Variants in FNDC3B observed in about 807,000 individuals in gnomAD.
The protein encoded by FNDC3B is fibronectin type III domain containing 3B.
A neutral mutation model predicts 151.5 loss-of-function variants in FNDC3B; 12 were observed. That is an observed-to-expected ratio of 0.08 (90% CI 0.05 to 0.13). The LOEUF (loss-of-function observed/expected upper bound fraction) is 0.13, where lower values mean the gene tolerates loss of function less well. Among genes scored for constraint, FNDC3B ranks in the 10% least tolerant of loss-of-function variants. FNDC3B has a pLI of 1.00. For synonymous variants in FNDC3B, 528 were observed against 549.0 expected (o/e 0.96, Z 0.54); for missense variants, 1,214 against 1,505.3 (o/e 0.81, Z 3.20).
chr3:172,221,295 A>G (rs1487295928), intron 3 of FNDC3B, among the ~76,000 whole-genome samples: 1 of 152,192 alleles, frequency 6.6e-6, no homozygotes, highest in African/African-American at 2.4e-5. Flanking sequence ...TGTTCTGGCT[A>G]GAACTTCCAG....
rs1194627070 is a variant in FNDC3B, at chr3:172,388,823, T to C, written c.3303+7730T>C. 2.6e-5 allele frequency among the ~76,000 whole-genome samples: 4 copies of C among 152,308 alleles called. No individual in the cohort carries two copies. In the East Asian group the frequency reaches 7.7e-4, roughly 29 times the overall value. ...ATTTGTCCTGGAGTGTTACACATGA[T>C]TTCTGCAAGGCGGGGCAGGGAAAGT... On this transcript the variant is annotated intron_variant, in intron 25 of 25. Transcript: ENST00000415807.
chr3:172,209,322 G>A (rs980991102), intron 3 of FNDC3B, among the ~76,000 whole-genome samples: 1 of 152,188 alleles, frequency 6.6e-6, no homozygotes, highest in Admixed American at 6.5e-5. Flanking sequence ...AGCTGGCCAG[G>A]AAAGTGTTAC....
rs983415364 is a variant in FNDC3B, at chr3:172,189,105, A to G, written c.188-37766A>G. Among the ~76,000 whole-genome samples, 10 of 152,236 alleles carry G rather than the reference A, an allele frequency of 6.6e-5. No individual in the cohort carries two copies. The East Asian group carries it at 1.9e-3, about 29-fold the overall frequency. On this transcript the variant is annotated intron_variant, in intron 3 of 25. Coordinates refer to ENST00000415807, the MANE Select transcript of FNDC3B (RefSeq NM_022763.4). ...TTTAGCATTAATGCTTGTTTCCAAG[A>G]AATGGTGAACTTACCTAAACTTAGT...
chr3:172,163,145 C>T (rs548927628), intron 3 of FNDC3B, among the ~76,000 whole-genome samples: 9 of 152,062 alleles, frequency 5.9e-5, no homozygotes, highest in Admixed American at 2.6e-4. Context: ...ATGGTGCACA[C>T]CTGTAGTCCT....
intron 25 of FNDC3B, among the ~76,000 whole-genome samples, chr3:172,386,775 A>C (rs958323657): frequency 2.7e-5 from 4 of 148,196 alleles, no homozygotes; most frequent in Admixed American, 6.7e-5. Flanking sequence ...AAAAAAAAAA[A>C]CCTCTGAAGT....
intron 21 of FNDC3B, among the ~76,000 whole-genome samples, chr3:172,351,098 G>T (rs1353962827): frequency 6.6e-6 from 1 of 152,172 alleles, no homozygotes; most frequent in Non-Finnish European, 1.5e-5. Context: ...TATGTAACTT[G>T]CATTCTAATC....
intron 6 of FNDC3B, among the ~76,000 whole-genome samples, chr3:172,280,080 A>G (rs1729631915): frequency 6.6e-6 from 1 of 152,000 alleles, no homozygotes. Context: ...AAGCCCAGCT[A>G]ATTTTTGTAT....
intron 2 of FNDC3B, among the ~76,000 whole-genome samples, chr3:172,114,106 C>A (rs920244345): frequency 1.3e-5 from 2 of 152,152 alleles, no homozygotes; most frequent in African/African-American, 2.4e-5. Context: ...ATGTCATTGG[C>A]CTACCTCAGG....
At chr3:172,088,886 A>G (rs1718677801) in intron 1 of FNDC3B, among the ~76,000 whole-genome samples, 1 of 152,214 alleles carries the variant, frequency 6.6e-6, no homozygotes, top group Non-Finnish European at 1.5e-5. Context: ...GCTTGTACAA[A>G]AGCTATAACA....
chr3:172,323,104 C>T (rs932731450), intron 11 of FNDC3B, among the ~76,000 whole-genome samples: 3 of 151,784 alleles, frequency 2.0e-5, no homozygotes, highest in Admixed American at 2.0e-4. Context: ...TTTTTAACTA[C>T]AAATTTGAAA....
chr3:172,217,984 T>A (rs1445818833), intron 3 of FNDC3B, among the ~76,000 whole-genome samples: 12 of 152,082 alleles, frequency 7.9e-5, no homozygotes, highest in Non-Finnish European at 1.6e-4. Flanking sequence ...TTCTTGGTAG[T>A]GATATACGTT....
chr3:172,369,888 T>C (rs1021608990), intron 23 of FNDC3B, among the ~76,000 whole-genome samples: 2 of 151,954 alleles, frequency 1.3e-5, no homozygotes, highest in African/African-American at 4.8e-5. Flanking sequence ...CTGAGTAACA[T>C]ACGAAATTCT....
intron 3 of FNDC3B, among the ~76,000 whole-genome samples, chr3:172,179,858 CAAAAAAAAAAAAAAAA>C (rs60259015): frequency 2.0e-5 from 2 of 97,790 alleles, no homozygotes; most frequent in Non-Finnish European, 3.9e-5. Context: ...GCCCTGTCTC[CAAAAAAAAAAAAAAAA>C]AAAAAAAAAA....
At position 172,328,984 on chromosome 3, in the gene FNDC3B, C is replaced by T. The variant is rs759787128; in HGVS notation, c.1287C>T (p.Phe429=). 6.2e-7 allele frequency: 1 copy of T among 1,612,478 alleles called. No individual in the cohort carries two copies. The highest frequency in any genetic ancestry group is 1.1e-5 in the South Asian group (1 of 90,934). The part of the protein sequence containing the change: ...GKRNSGFRQC[F]FGSQKHCKLT... ...GAAATAGTGGTTTCAGACAGTGCTT[C>T]TTCGGGAGCCAGAAGCACTGCAAGT... Residue 429 remains phenylalanine, a synonymous_variant, in exon 12 of 26, where the codon TTC becomes TTT. Transcript: ENST00000415807.
intron 4 of FNDC3B, among the ~76,000 whole-genome samples, chr3:172,233,545 A>C (rs1726988128): frequency 1.3e-5 from 2 of 152,220 alleles, no homozygotes; most frequent in Admixed American, 1.3e-4. Context: ...GTGGAGAAAC[A>C]GTGGGGCCTG....
At chr3:172,274,013 GA>G (rs1191540706) in intron 6 of FNDC3B, among the ~76,000 whole-genome samples, 4 of 152,194 alleles carry the variant, frequency 2.6e-5, no homozygotes, top group Non-Finnish European at 4.4e-5. Flanking sequence ...ATGTCTTTTG[GA>G]AGCAATTACT....
intron 7 of FNDC3B, among the ~76,000 whole-genome samples, chr3:172,295,061 A>G (rs764440925): frequency 1.3e-5 from 2 of 152,234 alleles, no homozygotes; most frequent in African/African-American, 2.4e-5. Flanking sequence ...TGTAGAAATC[A>G]TACATTCAGC....
rs138107240 is a variant in FNDC3B, at chr3:172,294,263, C to T, written c.850-1100C>T. On this transcript the variant is annotated intron_variant, in intron 7 of 25. Transcript: ENST00000415807. ...GAAGGGAAGTGTATTAGTCTGTTCT[C>T]GCATTGCTATGAAGAGCTACCTGAG... Among the ~76,000 whole-genome samples the T allele has an allele frequency of 1.4e-3, 211 of 152,240 alleles. 1 individual carries two copies. The highest frequency in any genetic ancestry group is 5.0e-3 in the African/African-American group (206 of 41,538).
At chr3:172,277,411 T>C (rs949475623) in intron 6 of FNDC3B, among the ~76,000 whole-genome samples, 4 of 152,184 alleles carry the variant, frequency 2.6e-5, no homozygotes, top group Non-Finnish European at 4.4e-5. Flanking sequence ...TATGTCCTTG[T>C]GTGGCTGAGA....
Sources: gnomAD v4.1 joint callset for allele counts (sites outside exome capture counted in the v4.1 genomes callset) on GRCh38, gnomAD v4.1.1 for gene constraint, MANE v1.5 for transcripts, NCBI Gene and HGNC (gene_info 2026-07-23, HGNC 2026-07-21) for gene names.